SUPT6H: variants seen among roughly 807,000 people sequenced by gnomAD.
SUPT6H encodes the protein SPT6 homolog, histone chaperone and transcription elongation factor.
A neutral mutation model predicts 222.3 loss-of-function variants in SUPT6H; 11 were observed. The observed-to-expected ratio is 0.05, with a 90% CI of 0.03 to 0.08. SUPT6H has a LOEUF of 0.08. Ranked by LOEUF, SUPT6H falls within the 10% of genes least tolerant of loss-of-function variation. The probability of loss-of-function intolerance (pLI) is 1.00; values close to 1 mark genes in which losing one functional copy is unlikely to be tolerated. For missense variants in SUPT6H, 1,422 were observed against 2,216.0 expected (o/e 0.64, Z 7.19); for synonymous variants, 762 against 801.2 (o/e 0.95, Z 0.83).
In SUPT6H at chr17:28,663,828, A is replaced by ATTTTTCTTTTTTTTTTTTTTTTTTT. The variant is rs2072113862; in HGVS notation, c.-32+1491_-32+1492insCTTTTTTTTTTTTTTTTTTTTTTTT. 5.2e-5 allele frequency among the ~76,000 whole-genome samples: 2 copies of ATTTTTCTTTTTTTTTTTTTTTTTTT among 38,374 alleles called. 1 individual carries two copies. Among genetic ancestry groups the ATTTTTCTTTTTTTTTTTTTTTTTTT allele is most frequent in the Non-Finnish European group, 9.4e-5 (2 of 21,300 alleles). The allele number at this position is 38,374 out of a possible 152,430, so 25.2% of individuals were successfully genotyped here. Reference sequence around the variant, plus strand: ...ATCTGGCTTCTCTTCTGCCCACTCCATTTTTTTTTTTTTTTTTGTGGAGAC... The same window carrying ATTTTTCTTTTTTTTTTTTTTTTTTT: ...ATCTGGCTTCTCTTCTGCCCACTCCATTTTTCTTTTTTTTTTTTTTTTTTTTTTTTTTTTTTTTTTTTGTGGAGAC... On this transcript the variant is annotated intron_variant, in intron 1 of 36. Transcript: ENST00000314616.
chr17:28,684,848 C>T lies in SUPT6H; in HGVS notation c.2374C>T (p.His792Tyr), dbSNP rs763759055. The T allele has an allele frequency of 3.7e-6, 6 of 1,614,074 alleles. No individual in the cohort carries two copies. Among genetic ancestry groups the T allele is most frequent in the Non-Finnish European group, 4.2e-6 (5 of 1,180,038 alleles). The change falls in exon 19 of 37, where the codon CAC becomes TAC. Residue 792 changes from histidine (H) to tyrosine (Y), a missense_variant. Physicochemically the swap from His to Tyr is moderately conservative, Grantham distance 83. Around this residue, in one of 13 missense-constraint regions of SUPT6H, gnomAD observed 294 missense variants for 382.1 expected, o/e 0.77. Coordinates refer to ENST00000314616, the MANE Select transcript of SUPT6H (RefSeq NM_003170.5). Reference sequence around the variant, plus strand: ...GTTTTTCTGTCTGTCTGGCAGAGATCACCCTGTGTTCTGCGCCCTGGTCAA... The same window carrying T: ...GTTTTTCTGTCTGTCTGGCAGAGATTACCCTGTGTTCTGCGCCCTGGTCAA... ...LGIAFSSARD[H>Y]PVFCALVNGE...
Position 28,688,285 on chromosome 17 carries a change from G to C in SUPT6H, c.3134+67G>C. 1.3e-6 allele frequency: 2 copies of C among 1,542,768 alleles called. No homozygotes were observed. On this transcript the variant is annotated intron_variant, in intron 24 of 36. Transcript: ENST00000314616. The surrounding 1 kb of genome is among the most constrained non-coding windows in gnomAD (Gnocchi z 4.3). ...TGGGCTTTGTTTTCGGGTTTCAGGGGTTAGGGCTATCAAAGGGCCACAAGC... is the reference window on the plus strand; with the variant it reads ...TGGGCTTTGTTTTCGGGTTTCAGGGCTTAGGGCTATCAAAGGGCCACAAGC...
chr17:28,690,319 AG>A (rs528457810), intron 26 of SUPT6H, 90 bp downstream of exon 26: 2 of 1,517,152 alleles, frequency 1.3e-6, no homozygotes, highest in Non-Finnish European at 1.8e-6. Context: ...AGATTGAGGC[AG>A]GTTTGTGTTG....
chr17:28,695,248 C>A, intron 28 of SUPT6H, 104 bp from the exon 29 acceptor site: 1 of 1,243,746 alleles, frequency 8.0e-7, no homozygotes, highest in Non-Finnish European at 1.1e-6. Flanking sequence ...AGTCACTTTA[C>A]ACCTTACACC....
At chr17:28,685,108 CT>C in intron 19 of SUPT6H, 147 bp downstream of exon 19, 1 of 756,980 alleles carries the variant, frequency 1.3e-6, no homozygotes, top group Non-Finnish European at 2.2e-6. Flanking sequence ...GGATGCCTCA[CT>C]TCCATGAGCA....
chr17:28,689,462 G>A lies in SUPT6H; in HGVS notation c.3243G>A (p.Glu1081=), dbSNP rs2031544627. The part of the protein sequence containing the change: ...VDALEYDESA[E]DANPAGALEE... ...CCCTGGAATACGATGAATCAGCCGA[G>A]GATGCCAATCCTGCAGGAGCCCTTG... Residue 1081 remains glutamate (E), a synonymous_variant, in exon 25 of 37, where the codon GAG becomes GAA. Transcript: ENST00000314616. The A allele has an allele frequency of 1.2e-6, 2 of 1,614,216 alleles. No individual in the cohort carries two copies. Among genetic ancestry groups the A allele is most frequent in the Admixed American group, 3.3e-5 (2 of 60,018 alleles).
Position 28,699,946 on chromosome 17 carries a change from C to A in SUPT6H, c.4561+53C>A, listed in dbSNP as rs1387553963. The A allele has an allele frequency of 2.4e-5, 38 of 1,553,476 alleles. No homozygotes were observed. The Admixed American group carries it at 3.5e-4, about 14-fold the overall frequency. Reference sequence around the variant, plus strand: ...GACGTGGCTGGAGGAACACCTAGGACCTGACTCAGAGTAGTCCCAGCCTAG... The same window carrying A: ...GACGTGGCTGGAGGAACACCTAGGAACTGACTCAGAGTAGTCCCAGCCTAG... On this transcript the variant is annotated intron_variant, in intron 33 of 36. Transcript: ENST00000314616.
chr17:28,701,272 G>A (rs1432948637), intron 36 of SUPT6H, 144 bp downstream of exon 36: 23 of 1,403,452 alleles, frequency 1.6e-5, no homozygotes, highest in Non-Finnish European at 2.2e-5. Context: ...GTTTCTGGGT[G>A]AAGACGGAAG....
intron 15 of SUPT6H, 33 bp downstream of exon 15, chr17:28,683,125 T>G: frequency 6.4e-7 from 1 of 1,570,500 alleles, no homozygotes; most frequent in Non-Finnish European, 8.6e-7. Context: ...ATCCAAGATG[T>G]GCACCAGCTC....
Position 28,684,824 on chromosome 17 carries a change from T to C in SUPT6H, c.2370-20T>C. On this transcript the variant is annotated intron_variant, in intron 18 of 36. Coordinates refer to ENST00000314616, the MANE Select transcript of SUPT6H (RefSeq NM_003170.5). ...CATATTGCTGATTATTGCATTCTTG[T>C]TTTTCTGTCTGTCTGGCAGAGATCA... The C allele has an allele frequency of 6.2e-7, 1 of 1,614,106 alleles. No individual in the cohort carries two copies. The highest frequency in any genetic ancestry group is 8.5e-7 in the Non-Finnish European group (1 of 1,179,938).
rs952745226 is a variant in SUPT6H at position 28,697,155 on chromosome 17, C to G, written c.4209+73C>G. 3.0e-6 allele frequency: 4 copies of G among 1,318,442 alleles called. No individual in the cohort carries two copies. The African/African-American group carries it at 4.4e-5, about 14-fold the overall frequency. The allele number at this position is 1,318,442 out of a possible 1,614,324, so 81.7% of individuals were successfully genotyped here. ...AAGGTGCCCTTCAGGGTGCTTTCAC[C>G]TGACATTAGTAACTCGGGTCATAGG... On this transcript the variant is annotated intron_variant, in intron 30 of 36. Coordinates refer to ENST00000314616, the MANE Select transcript of SUPT6H (RefSeq NM_003170.5).
chr17:28,676,820 A>G (rs1023782774), intron 7 of SUPT6H, among the ~76,000 whole-genome samples: 4 of 151,956 alleles, frequency 2.6e-5, no homozygotes, highest in African/African-American at 9.7e-5. Context: ...TCAGCCACTC[A>G]GGAGGCTGAG....
chr17:28,666,553 T>G (rs1436146658), intron 1 of SUPT6H, among the ~76,000 whole-genome samples: 1 of 150,584 alleles, frequency 6.6e-6, no homozygotes, highest in Non-Finnish European at 1.5e-5. Flanking sequence ...AGGAATACTT[T>G]TTTTTTTTTT....
In SUPT6H at chr17:28,688,937, TA is replaced by T. The variant is rs1354598748; in HGVS notation, c.3135-416del. On this transcript the variant is annotated intron_variant, in intron 24 of 36. Coordinates refer to ENST00000314616, the MANE Select transcript of SUPT6H (RefSeq NM_003170.5). This position sits in a 1 kb window ranked among gnomAD's most constrained non-coding sequence, Gnocchi z 4.3. Reference sequence around the variant, plus strand: ...TTTTTTCCCCTTTCTTGATTTATCTTATTATGAGACTCATATAAGTTCATCA... The same window carrying T: ...TTTTTTCCCCTTTCTTGATTTATCTTTTATGAGACTCATATAAGTTCATCA... 2 of 171,048 alleles carry T rather than the reference TA, an allele frequency of 1.2e-5. No individual in the cohort carries two copies. The highest frequency in any genetic ancestry group is 2.4e-5 in the African/African-American group (1 of 41,588). 10.6% of individuals were successfully genotyped at this position (171,048 alleles called of 1,614,324 possible). A position where few individuals can be genotyped will look rare whatever the true frequency, so the allele number is the denominator to read the frequency against.
chr17:28,679,091 A>G (rs770737090), intron 11 of SUPT6H, 128 bp downstream of exon 11: 32 of 1,261,582 alleles, frequency 2.5e-5, no homozygotes, highest in East Asian at 5.0e-5. Flanking sequence ...CAACTTGTCA[A>G]CCAGGCACAG....
At chr17:28,680,002 AAAAG>A (rs199685045) in intron 11 of SUPT6H, among the ~76,000 whole-genome samples, 66,764 of 136,874 alleles carry the variant, frequency 0.49, 19,346 homozygotes, top group East Asian at 0.64. Flanking sequence ...AAAAAAAAAA[AAAAG>A]AAAGAAAGAA....
chr17:28,674,452 T>C lies in SUPT6H; in HGVS notation c.268+11T>C. ...AGAAGAGAAAACGCAGTGAGTAGTC[T>C]GTCGTTGGCTCAAGTGAGGCTTGGG... On this transcript the variant is annotated intron_variant, in intron 3 of 36. Coordinates refer to ENST00000314616, the MANE Select transcript of SUPT6H (RefSeq NM_003170.5). 1.9e-6 allele frequency: 3 copies of C among 1,614,132 alleles called. No homozygotes were observed. Among genetic ancestry groups the C allele is most frequent in the Non-Finnish European group, 2.5e-6 (3 of 1,179,970 alleles).
intron 11 of SUPT6H, among the ~76,000 whole-genome samples, chr17:28,680,235 G>C (rs2031020939): frequency 6.6e-6 from 1 of 151,486 alleles, no homozygotes; most frequent in Non-Finnish European, 1.5e-5. Context: ...GAACCTGGGA[G>C]GTGGAGGTTG....
At chr17:28,683,138 TC>T (rs2151634682) in intron 15 of SUPT6H, 46 bp downstream of exon 15, 1 of 1,563,084 alleles carries the variant, frequency 6.4e-7, no homozygotes, top group South Asian at 1.2e-5. Flanking sequence ...ACCAGCTCTT[TC>T]TTTGATTGCC....
Sources: gnomAD v4.1 joint callset for allele counts (sites outside exome capture counted in the v4.1 genomes callset) on GRCh38, gnomAD v4.1.1 for gene constraint, gnomAD v4.1.1 regional missense constraint, Gnocchi (gnomAD v3.1) non-coding constraint, MANE v1.5 for transcripts, NCBI Gene and HGNC (gene_info 2026-07-23, HGNC 2026-07-21) for gene names.